TRHDE: variants seen among roughly 807,000 people sequenced by gnomAD.
TRHDE encodes the protein thyrotropin releasing hormone degrading enzyme, also known as thyrotropin-releasing hormone-degrading ectoenzyme.
A neutral mutation model predicts 125.7 loss-of-function variants in TRHDE; 72 were observed. The observed-to-expected ratio is 0.57, with a 90% CI of 0.47 to 0.70. TRHDE has a LOEUF of 0.70. TRHDE is among the 30% of genes least tolerant of loss of function. TRHDE has a pLI of 0.00. For synonymous variants in TRHDE, 509 were observed against 509.1 expected (o/e 1.00, Z 0.00); for missense variants, 1,110 against 1,327.1 (o/e 0.84, Z 2.54).
chr12:72,567,613 T>TTA (rs1373783741), intron 9 of TRHDE, among the ~76,000 whole-genome samples: 1 of 152,046 alleles, frequency 6.6e-6, no homozygotes, highest in African/African-American at 2.4e-5. Context: ...TTTTAATTCT[T>TTA]TATTTATTCT....
chr12:72,592,815 A>T (rs368801426), intron 12 of TRHDE, among the ~76,000 whole-genome samples: 81 of 150,890 alleles, frequency 5.4e-4, no homozygotes, highest in African/African-American at 2.0e-3. Context: ...GGTTCAAGTG[A>T]TTCTCCTGCC....
intron 2 of TRHDE, among the ~76,000 whole-genome samples, chr12:72,135,742 T>C (rs1295967191): frequency 6.6e-6 from 1 of 152,184 alleles, no homozygotes; most frequent in African/African-American, 2.4e-5. Flanking sequence ...TTAAGTTTGT[T>C]CTGCCTTCAT....
intron 15 of TRHDE, among the ~76,000 whole-genome samples, chr12:72,630,498 AT>A (rs1405174100): frequency 6.6e-6 from 1 of 151,692 alleles, no homozygotes; most frequent in African/African-American, 2.4e-5. Flanking sequence ...AATTTCTGTG[AT>A]TTCAAGCCAC....
upstream of TRHDE, among the ~76,000 whole-genome samples, chr12:72,270,977 G>T (rs1252817802): frequency 2.0e-5 from 3 of 152,226 alleles, no homozygotes; most frequent in Admixed American, 1.3e-4. Context: ...CTGGAAAGCT[G>T]CAAGAAAGTA....
At chr12:72,553,839 T>C (rs1473984462) in intron 7 of TRHDE, among the ~76,000 whole-genome samples, 1 of 150,248 alleles carries the variant, frequency 6.7e-6, no homozygotes, top group Non-Finnish European at 1.5e-5. Flanking sequence ...TCTGTTCTTT[T>C]CTTTTCCTTC....
intron 3 of TRHDE, among the ~76,000 whole-genome samples, chr12:72,467,102 C>T (rs958904791): frequency 1.3e-5 from 2 of 152,128 alleles, no homozygotes; most frequent in African/African-American, 2.4e-5. Flanking sequence ...TATTATTATA[C>T]TTTAAGTTTT....
chr12:72,421,851 A>G (rs1592432671), intron 3 of TRHDE, among the ~76,000 whole-genome samples: 1 of 152,314 alleles, frequency 6.6e-6, no homozygotes, highest in East Asian at 1.9e-4. Flanking sequence ...TGTGAGTTTT[A>G]AAATCATCAC....
At chr12:72,117,152 C>T in intron 2 of TRHDE, among the ~76,000 whole-genome samples, 1 of 151,976 alleles carries the variant, frequency 6.6e-6, no homozygotes, top group East Asian at 1.9e-4. Flanking sequence ...AGTCTTTGCC[C>T]AGTCCAATGT....
Position 72,273,635 on chromosome 12 carries a change from G to A in TRHDE, c.914+78G>A, listed in dbSNP as rs1879356198. On this transcript the variant is annotated intron_variant, in intron 1 of 18. Transcript: ENST00000261180. The surrounding 1 kb of genome is among the most constrained non-coding windows in gnomAD (Gnocchi z 5.3). Reference sequence around the variant, plus strand: ...CCTCTGGGCGGCCTGCGACCCCGGGGACCCAGCTGGCTTCCAATACCCGGG... The same window carrying A: ...CCTCTGGGCGGCCTGCGACCCCGGGAACCCAGCTGGCTTCCAATACCCGGG... 1.4e-6 allele frequency: 2 copies of A among 1,404,338 alleles called. No homozygotes were observed. Among genetic ancestry groups the A allele is most frequent in the Admixed American group, 2.1e-5 (1 of 47,782 alleles). The allele number at this position is 1,404,338 out of a possible 1,614,324, so 87.0% of individuals were successfully genotyped here.
intron 2 of TRHDE, among the ~76,000 whole-genome samples, chr12:72,141,150 T>G (rs1160996351): frequency 6.6e-6 from 1 of 152,140 alleles, no homozygotes; most frequent in African/African-American, 2.4e-5. Flanking sequence ...CAACTCTAAA[T>G]AGGTAGTCAC....
At chr12:72,543,709 T>C (rs890612692) in intron 7 of TRHDE, among the ~76,000 whole-genome samples, 3 of 151,154 alleles carry the variant, frequency 2.0e-5, no homozygotes, top group Non-Finnish European at 3.0e-5. Flanking sequence ...AAAATTCTTA[T>C]TGTTTTTCTT....
chr12:72,449,325 T>A (rs1455367107), intron 3 of TRHDE, among the ~76,000 whole-genome samples: 1 of 152,174 alleles, frequency 6.6e-6, no homozygotes, highest in African/African-American at 2.4e-5. Flanking sequence ...GACAGGGGAC[T>A]GAATATTTGT....
chr12:72,404,591 C>A (rs1442230071), intron 3 of TRHDE, among the ~76,000 whole-genome samples: 2 of 152,192 alleles, frequency 1.3e-5, no homozygotes, highest in African/African-American at 2.4e-5. Flanking sequence ...AAACATCTTA[C>A]ATGGTGGCTG....
chr12:72,639,553 G>A (rs370609370), intron 15 of TRHDE, among the ~76,000 whole-genome samples: 28 of 151,474 alleles, frequency 1.8e-4, no homozygotes, highest in Admixed American at 1.3e-3. Context: ...GAGGAACTGC[G>A]TTCCTTTGGA....
intron 3 of TRHDE, among the ~76,000 whole-genome samples, chr12:72,404,218 A>T (rs1873170514): frequency 6.6e-6 from 1 of 152,166 alleles, no homozygotes; most frequent in Non-Finnish European, 1.5e-5. Flanking sequence ...GTTCAAGACC[A>T]ACCTGGGCAA....
intron 1 of TRHDE, among the ~76,000 whole-genome samples, chr12:72,096,150 C>CAT (rs952294060): frequency 3.8e-4 from 57 of 151,818 alleles, no homozygotes; most frequent in African/African-American, 1.2e-3. Flanking sequence ...CACACACACA[C>CAT]ACACACACAC....
rs1203156654 is a variant in TRHDE at position 72,367,291 on chromosome 12, T to TTGTC, written c.1189-10703_1189-10700dup. Among the ~76,000 whole-genome samples, 4 of 152,104 alleles carry TTGTC rather than the reference T, an allele frequency of 2.6e-5. 1 individual carries two copies. The highest frequency in any genetic ancestry group is 9.7e-5 in the African/African-American group (4 of 41,426). Reference sequence around the variant, plus strand: ...GTTCTGTTGCCTAAATAATCTCCCTTTGTCGTTTTCAATCATGTCACTCTG... The same window carrying TTGTC: ...GTTCTGTTGCCTAAATAATCTCCCTTTGTCTGTCGTTTTCAATCATGTCACTCTG... On this transcript the variant is annotated intron_variant, in intron 2 of 18. Transcript: ENST00000261180.
At chr12:72,312,943 T>G (rs1417954369) in intron 2 of TRHDE, among the ~76,000 whole-genome samples, 1 of 152,152 alleles carries the variant, frequency 6.6e-6, no homozygotes, top group East Asian at 1.9e-4. Flanking sequence ...TTAACATTTT[T>G]GAAAACTTTT....
At chr12:72,508,419 G>A (rs1266813562) in intron 6 of TRHDE, among the ~76,000 whole-genome samples, 1 of 152,186 alleles carries the variant, frequency 6.6e-6, no homozygotes, top group Non-Finnish European at 1.5e-5. Flanking sequence ...TGTAAGACAT[G>A]GAGTCAAAGG....
Sources: gnomAD v4.1 joint callset for allele counts (sites outside exome capture counted in the v4.1 genomes callset) on GRCh38, gnomAD v4.1.1 for gene constraint, Gnocchi (gnomAD v3.1) non-coding constraint, MANE v1.5 for transcripts, NCBI Gene and HGNC (gene_info 2026-07-23, HGNC 2026-07-21) for gene names.